GRHL2: variants seen among roughly 807,000 people sequenced by gnomAD.
GRHL2 encodes grainyhead like transcription factor 2.
GRHL2 carries 21 observed loss-of-function variants against 83.8 expected under a neutral mutation model. That is an observed-to-expected ratio of 0.25 (90% CI 0.18 to 0.36). The LOEUF (loss-of-function observed/expected upper bound fraction) is 0.36, where lower values mean the gene tolerates loss of function less well. GRHL2 is among the 10% of genes least tolerant of loss of function. GRHL2 has a pLI of 1.00. For synonymous variants in GRHL2, 280 were observed against 278.9 expected (o/e 1.00, Z -0.04); for missense variants, 623 against 781.8 (o/e 0.80, Z 2.42).
At position 101,592,262 on chromosome 8, in the gene GRHL2, G is replaced by A. The variant is rs566093544; in HGVS notation, c.1004-6795G>A. ...TGGGATTACAGGTGCCCACAACCAC[G>A]CCCGGCTAATTTTTGTATTTTCAGT... On this transcript the variant is annotated intron_variant, in intron 7 of 15. Transcript: ENST00000646743. Among the ~76,000 whole-genome samples, 40 of 151,820 alleles carry A rather than the reference G, an allele frequency of 2.6e-4. No individual in the cohort carries two copies. In the South Asian group the frequency reaches 6.0e-3, roughly 23 times the overall value.
intron 7 of GRHL2, among the ~76,000 whole-genome samples, chr8:101,587,827 C>G (rs1042681952): frequency 6.6e-6 from 1 of 152,154 alleles, no homozygotes; most frequent in Non-Finnish European, 1.5e-5. Flanking sequence ...TATTCAGCCA[C>G]CCTCTAGCAT....
At position 101,666,827 on chromosome 8, in the gene GRHL2, G is replaced by A. The variant is rs112979266; in HGVS notation, c.*124G>A. The A allele has an allele frequency of 1.7e-4, 120 of 723,384 alleles. No individual in the cohort carries two copies. In the East Asian group the frequency reaches 2.7e-3, roughly 16 times the overall value. 44.8% of individuals were successfully genotyped at this position (723,384 alleles called of 1,614,324 possible). On this transcript the variant is annotated 3_prime_UTR_variant, in exon 16 of 16. Transcript: ENST00000646743. Reference sequence around the variant, plus strand: ...ATCTCACAACTGCTGTTACAAGACCGTGCTGGGGAGTGGGGCAAGGGACAG... The same window carrying A: ...ATCTCACAACTGCTGTTACAAGACCATGCTGGGGAGTGGGGCAAGGGACAG...
chr8:101,600,108 T>G (rs1048514027), intron 8 of GRHL2, among the ~76,000 whole-genome samples: 7 of 152,186 alleles, frequency 4.6e-5, no homozygotes, highest in African/African-American at 1.7e-4. Flanking sequence ...GGTTGGGAGT[T>G]TGCAGGCACG....
chr8:101,552,572 AT>A lies in GRHL2; in HGVS notation c.217-142del, dbSNP rs1811406524. ...ATTGTCACTCAGGCTACTAGCCTTT[AT>A]CATCTCCTGGTGATAGCAACTTTTC... On this transcript the variant is annotated intron_variant, in intron 2 of 15. Coordinates refer to ENST00000646743, the MANE Select transcript of GRHL2 (RefSeq NM_024915.4). The A allele has an allele frequency of 4.0e-6, 3 of 741,370 alleles. No homozygotes were observed. In the East Asian group the frequency reaches 8.0e-5, roughly 20 times the overall value. 45.9% of individuals were successfully genotyped at this position (741,370 alleles called of 1,614,324 possible).
In GRHL2 at chr8:101,503,139, A is replaced by G. The variant is rs1354192353; in HGVS notation, c.20+10350A>G. On this transcript the variant is annotated intron_variant, in intron 1 of 15. Transcript: ENST00000646743. ...CTGAAGTCGACTTTTTCTGAAGTCAATTGCCCCTGAAAGGTTCTCATGTTG... is the reference window on the plus strand; with the variant it reads ...CTGAAGTCGACTTTTTCTGAAGTCAGTTGCCCCTGAAAGGTTCTCATGTTG... Among the ~76,000 whole-genome samples the G allele has an allele frequency of 3.3e-5, 5 of 152,218 alleles. No homozygotes were observed. The East Asian group carries it at 7.7e-4, about 23-fold the overall frequency.
chr8:101,580,941 G>C (rs1812040206), intron 7 of GRHL2, among the ~76,000 whole-genome samples: 1 of 152,130 alleles, frequency 6.6e-6, no homozygotes, highest in Non-Finnish European at 1.5e-5. Flanking sequence ...CTGACCTCGT[G>C]ATCTGCCCGT....
chr8:101,659,871 T>C (rs953793647), intron 14 of GRHL2, among the ~76,000 whole-genome samples: 2 of 152,210 alleles, frequency 1.3e-5, no homozygotes, highest in Non-Finnish European at 2.9e-5. Context: ...CTAGTGTTCA[T>C]TTAGACAGAT....
rs1432488577 is a variant in GRHL2, at chr8:101,668,178, G to A, written c.*1475G>A. On this transcript the variant is annotated 3_prime_UTR_variant, in exon 16 of 16. Coordinates refer to ENST00000646743, the MANE Select transcript of GRHL2 (RefSeq NM_024915.4). ...CAATCGCAAAATGATGAACCATCATGGGCCACTGTTCTCTTTGAGGGGACA... is the reference window on the plus strand; with the variant it reads ...CAATCGCAAAATGATGAACCATCATAGGCCACTGTTCTCTTTGAGGGGACA... The A allele has an allele frequency of 1.3e-5, 2 of 152,614 alleles. No homozygotes were observed. Among genetic ancestry groups the A allele is most frequent in the Non-Finnish European group, 1.5e-5 (1 of 68,058 alleles). 9.5% of individuals were successfully genotyped at this position (152,614 alleles called of 1,614,324 possible).
intron 3 of GRHL2, among the ~76,000 whole-genome samples, chr8:101,554,393 A>C (rs529885736): frequency 9.9e-5 from 15 of 152,226 alleles, no homozygotes; most frequent in Non-Finnish European, 2.1e-4. Context: ...TCAGGGAAAA[A>C]CAAGTTTAAG....
the GRHL2 span, among the ~76,000 whole-genome samples, chr8:101,674,781 T>C: frequency 6.6e-6 from 1 of 152,232 alleles, no homozygotes; most frequent in Non-Finnish European, 1.5e-5. Context: ...ACCAATATCC[T>C]TGATGAACAT....
intron 3 of GRHL2, among the ~76,000 whole-genome samples, chr8:101,555,667 C>G (rs183251542): frequency 6.6e-6 from 1 of 152,248 alleles, no homozygotes; most frequent in Admixed American, 6.5e-5. Context: ...TTGATTTGAT[C>G]ACGAAATCAG....
chr8:101,665,595 T>C (rs1043196835), intron 15 of GRHL2, among the ~76,000 whole-genome samples: 2 of 152,222 alleles, frequency 1.3e-5, no homozygotes. Flanking sequence ...TCTCACAGTC[T>C]TATTGCCGAG....
rs530004348 is a variant in GRHL2, at chr8:101,506,211, A to G, written c.20+13422A>G. ...ACTTTTATTGCAACTGTTTTATGAT[A>G]CAGTTTTGCATTGTATGTGTTTACT... On this transcript the variant is annotated intron_variant, in intron 1 of 15. Transcript: ENST00000646743. Among the ~76,000 whole-genome samples, 21 of 152,330 alleles carry G rather than the reference A, an allele frequency of 1.4e-4. No individual in the cohort carries two copies. In the East Asian group the frequency reaches 3.1e-3, roughly 22 times the overall value.
intron 1 of GRHL2, among the ~76,000 whole-genome samples, chr8:101,495,879 C>T (rs1429676974): frequency 4.6e-5 from 7 of 152,028 alleles, no homozygotes; most frequent in East Asian, 1.9e-4. Context: ...CCAGGCGCGG[C>T]GGCTCACACC....
At chr8:101,599,290 G>A (rs1563600463) in intron 8 of GRHL2, 139 bp downstream of exon 8, 1 of 695,154 alleles carries the variant, frequency 1.4e-6, no homozygotes. Context: ...TGGAGGGTAA[G>A]GGAGAAAAGG....
intron 1 of GRHL2, among the ~76,000 whole-genome samples, chr8:101,527,524 TCTC>T (rs1004829554): frequency 3.9e-5 from 6 of 152,134 alleles, no homozygotes; most frequent in African/African-American, 1.4e-4. Context: ...AAACAACTCT[TCTC>T]CTGTCACCTC....
chr8:101,659,528 T>G (rs549913461), intron 14 of GRHL2, among the ~76,000 whole-genome samples: 2 of 152,292 alleles, frequency 1.3e-5, no homozygotes, highest in South Asian at 4.1e-4. Context: ...TCCCAGGGAA[T>G]GGGGAAGGTA....
chr8:101,651,290 C>T (rs941287100), intron 14 of GRHL2, among the ~76,000 whole-genome samples: 3 of 152,214 alleles, frequency 2.0e-5, no homozygotes, highest in Non-Finnish European at 4.4e-5. Flanking sequence ...TTGAAAACCA[C>T]AGAAGCAGTT....
At chr8:101,576,571 A>G (rs1022167910) in intron 6 of GRHL2, among the ~76,000 whole-genome samples, 2 of 152,202 alleles carry the variant, frequency 1.3e-5, no homozygotes, top group Non-Finnish European at 1.5e-5. Flanking sequence ...CAGGAATAGT[A>G]GGAAAGTGCC....
Sources: gnomAD v4.1 joint callset for allele counts (sites outside exome capture counted in the v4.1 genomes callset) on GRCh38, gnomAD v4.1.1 for gene constraint, MANE v1.5 for transcripts, NCBI Gene and HGNC (gene_info 2026-07-23, HGNC 2026-07-21) for gene names.